Variants in NBR1 observed in about 807,000 individuals in gnomAD.
The protein encoded by NBR1 is NBR1 autophagy cargo receptor.
Under a neutral mutation model 115.5 loss-of-function variants are expected in NBR1, and 59 were observed. That is an observed-to-expected ratio of 0.51 (90% CI 0.41 to 0.63). The LOEUF (loss-of-function observed/expected upper bound fraction) is 0.63, where lower values mean the gene tolerates loss of function less well. Ranked by LOEUF, NBR1 falls within the 30% of genes least tolerant of loss-of-function variation. NBR1 has a pLI of 0.00. For synonymous variants in NBR1, 373 were observed against 414.7 expected (o/e 0.90, Z 1.22); for missense variants, 1,043 against 1,150.5 (o/e 0.91, Z 1.35).
rs2056895088 is a variant in NBR1, at chr17:43,189,583, T to G, written c.481-5T>G. On this transcript the variant is annotated splice_region_variant and splice_polypyrimidine_tract_variant and intron_variant, in intron 7 of 20. Transcript: ENST00000590996. ...TTTTTCCCTACCTTCTGCTCCATAT[T>G]CTAGTTCAGAGAACAAGTGGTTAAC... 6.2e-7 allele frequency: 1 copy of G among 1,611,160 alleles called. No homozygotes were observed. Among genetic ancestry groups the G allele is most frequent in the African/African-American group, 1.3e-5 (1 of 74,830 alleles).
intron 5 of NBR1, among the ~76,000 whole-genome samples, chr17:43,181,770 AG>A (rs1597972592): frequency 6.6e-6 from 1 of 152,314 alleles, no homozygotes; most frequent in East Asian, 1.9e-4. Context: ...GGATCACCCA[AG>A]GTCAGCAGTT....
At chr17:43,204,448 T>C (rs2057271927) in intron 20 of NBR1, among the ~76,000 whole-genome samples, 1 of 151,570 alleles carries the variant, frequency 6.6e-6, no homozygotes, top group Non-Finnish European at 1.5e-5. Flanking sequence ...GGTGGGAGGA[T>C]TGCTTGAGCC....
At chr17:43,196,400 CAAACTGCTA>C in intron 14 of NBR1, 72 bp from the exon 15 acceptor site, 1 of 851,144 alleles carries the variant, frequency 1.2e-6, no homozygotes, top group Non-Finnish European at 1.8e-6. Context: ...AAGAAGCCTA[CAAACTGCTA>C]CTTCTGGACA....
At chr17:43,196,896 C>T (rs759461460) in intron 15 of NBR1, 46 bp from the exon 16 acceptor site, 1 of 1,601,956 alleles carries the variant, frequency 6.2e-7, no homozygotes, top group Non-Finnish European at 8.5e-7. Context: ...GAATGTTCCT[C>T]AGCACTTTAA....
intron 5 of NBR1, 110 bp downstream of exon 5, chr17:43,180,927 A>G: frequency 9.2e-7 from 1 of 1,089,636 alleles, no homozygotes; most frequent in South Asian, 2.7e-5. Flanking sequence ...GCTGGTGTGC[A>G]GTGGCACAAT....
chr17:43,194,866 G>C lies in NBR1; in HGVS notation c.1675-98G>C, dbSNP rs374302633. ...CTGGGGACAGGCATGAATTTGAACA[G>C]AGTTGAATACGAAATGATGTGGAAA... is the stretch of plus-strand genomic sequence containing the variant. On this transcript the variant is annotated intron_variant, in intron 13 of 20. Coordinates refer to ENST00000590996, the MANE Select transcript of NBR1 (RefSeq NM_005899.5). 9.1e-6 allele frequency: 8 copies of C among 879,102 alleles called. No individual in the cohort carries two copies. The East Asian group carries it at 1.8e-4, about 20-fold the overall frequency. 54.5% of individuals were successfully genotyped at this position (879,102 alleles called of 1,614,324 possible).
At position 43,196,550 on chromosome 17, in the gene NBR1, T is replaced by C. The variant is rs749797020; in HGVS notation, c.1820T>C (p.Ile607Thr). The change falls in exon 15 of 21, where the codon ATA (isoleucine) becomes ACA (threonine). Residue 607 changes from isoleucine (I) to threonine (T), a missense_variant. By Grantham distance (89) the Ile-to-Thr change is moderately conservative. Coordinates refer to ENST00000590996, the MANE Select transcript of NBR1 (RefSeq NM_005899.5). ...PLIEKPGLGQIEEENEGAGFK... is the reference protein window; with the variant it reads ...PLIEKPGLGQTEEENEGAGFK... ...ATAGAGAAGCCAGGCTTGGGGCAGA[T>C]AGAGGAAGAGAATGAAGGGGCAGGA... 8.7e-6 allele frequency: 14 copies of C among 1,606,750 alleles called. No individual in the cohort carries two copies. Among genetic ancestry groups the C allele is most frequent in the South Asian group, 5.6e-5 (5 of 89,398 alleles).
chr17:43,188,424 G>C (rs1404686906), intron 6 of NBR1, among the ~76,000 whole-genome samples: 1 of 152,162 alleles, frequency 6.6e-6, no homozygotes, highest in African/African-American at 2.4e-5. Context: ...CGTTCACTCT[G>C]ATGATAGTTT....
intron 1 of NBR1, among the ~76,000 whole-genome samples, chr17:43,173,674 T>G (rs2056433827): frequency 6.6e-6 from 1 of 152,282 alleles, no homozygotes; most frequent in East Asian, 1.9e-4. Flanking sequence ...CACTGTGAGA[T>G]AGTCAAAGCA....
chr17:43,210,359 T>A lies in NBR1; in HGVS notation c.*285T>A. On this transcript the variant is annotated 3_prime_UTR_variant, in exon 21 of 21. Coordinates refer to ENST00000590996, the MANE Select transcript of NBR1 (RefSeq NM_005899.5). Reference sequence around the variant, plus strand: ...TGACAAGTGTAACTTCAACTTCATATAGAACCATTTTTCTTTCTGCTTTTA... The same window carrying A: ...TGACAAGTGTAACTTCAACTTCATAAAGAACCATTTTTCTTTCTGCTTTTA... 2.5e-6 allele frequency: 1 copy of A among 392,908 alleles called. No homozygotes were observed. Among genetic ancestry groups the A allele is most frequent in the Non-Finnish European group, 4.5e-6 (1 of 223,046 alleles). The allele number at this position is 392,908 out of a possible 1,614,324, so 24.3% of individuals were successfully genotyped here.
chr17:43,201,339 C>T (rs1323460517), intron 17 of NBR1, among the ~76,000 whole-genome samples: 1 of 152,214 alleles, frequency 6.6e-6, no homozygotes, highest in Non-Finnish European at 1.5e-5. Context: ...TCTGGTGAAT[C>T]TATCTGAATC....
intron 20 of NBR1, among the ~76,000 whole-genome samples, chr17:43,206,659 A>G (rs1434825471): frequency 6.6e-6 from 1 of 151,500 alleles, no homozygotes; most frequent in Non-Finnish European, 1.5e-5. Flanking sequence ...CGTCTCAAAA[A>G]AAAAAAAAGG....
intron 10 of NBR1, among the ~76,000 whole-genome samples, chr17:43,192,485 C>T (rs33924658): frequency 0.3 from 45,836 of 151,832 alleles, 7,475 homozygotes; most frequent in South Asian, 0.49. Context: ...TCTCCTGCCT[C>T]AGCCTCCCGA....
chr17:43,196,780 T>C (rs1258023407), intron 15 of NBR1, among the ~76,000 whole-genome samples, 162 bp from the exon 16 acceptor site: 1 of 152,160 alleles, frequency 6.6e-6, no homozygotes, highest in Non-Finnish European at 1.5e-5. Flanking sequence ...AGTTTTAGCA[T>C]GGGTAATGAC....
At chr17:43,175,717 G>T in intron 1 of NBR1, 74 bp from the exon 2 acceptor site, 1 of 680,262 alleles carries the variant, frequency 1.5e-6, no homozygotes, top group Non-Finnish European at 2.5e-6. Context: ...TTTGCTGAGT[G>T]AACTTTTAGT....
At chr17:43,172,124 T>TA (rs765598311) in intron 1 of NBR1, among the ~76,000 whole-genome samples, 3 of 152,180 alleles carry the variant, frequency 2.0e-5, no homozygotes, top group Admixed American at 1.3e-4. Flanking sequence ...GGCATGGACT[T>TA]ACAATAATGC....
chr17:43,206,149 C>A, intron 20 of NBR1, among the ~76,000 whole-genome samples: 1 of 146,842 alleles, frequency 6.8e-6, no homozygotes. Flanking sequence ...GCACTTCAGC[C>A]TGGGTGACAG....
chr17:43,182,579 C>T (rs2154582033), intron 5 of NBR1, among the ~76,000 whole-genome samples: 1 of 151,352 alleles, frequency 6.6e-6, no homozygotes, highest in Middle Eastern at 3.4e-3. Context: ...AGATGACAGC[C>T]ACTTTTTGGA....
At chr17:43,172,633 A>T (rs1389329676) in intron 1 of NBR1, among the ~76,000 whole-genome samples, 1 of 152,116 alleles carries the variant, frequency 6.6e-6, no homozygotes, top group African/African-American at 2.4e-5. Flanking sequence ...GATTGTTGTT[A>T]AGAGACTAAT....
Sources: allele counts gnomAD v4.1 joint callset (sites outside exome capture counted in the v4.1 genomes callset), GRCh38; gene constraint gnomAD v4.1.1; transcripts MANE v1.5; gene names NCBI Gene and HGNC (gene_info 2026-07-23, HGNC 2026-07-21).